SLC26A5: variants seen among roughly 807,000 people sequenced by gnomAD.
SLC26A5 encodes solute carrier family 26 member 5.
SLC26A5 carries 51 observed loss-of-function variants against 81.0 expected under a neutral mutation model. The ratio of observed to expected loss-of-function variants is 0.63; its 90% CI spans 0.50 to 0.80. The LOEUF (loss-of-function observed/expected upper bound fraction) is 0.80. Ranked by LOEUF, SLC26A5 falls within the 30% of genes least tolerant of loss-of-function variation. The pLI is 0.00. For synonymous variants in SLC26A5, 325 were observed against 332.8 expected, an observed-to-expected ratio of 0.98 and a Z score of 0.25; for missense variants, 771 against 905.8, an observed-to-expected ratio of 0.85 and a Z score of 1.91.
chr7:103,367,697 A>G lies in SLC26A5; in HGVS notation c.2041+9111T>C, dbSNP rs1490783071. The G allele has an allele frequency of 5.0e-6, 8 of 1,608,590 alleles. No homozygotes were observed. Among genetic ancestry groups the G allele is most frequent in the Non-Finnish European group, 5.9e-6 (7 of 1,178,152 alleles). ...TTTTTTTCCATTTTAATATTTGTCA[A>G]TTTTCTCATTTTTAGGGTCGGACCC... On this transcript the variant is annotated intron_variant, in intron 19 of 19. Coordinates refer to the SLC26A5 transcript ENST00000339444. The surrounding 1 kb of genome is among the most constrained non-coding windows in gnomAD (Gnocchi z 6.1).
Position 103,410,512 on chromosome 7 carries a change from A to G in SLC26A5, c.608T>C (p.Ile203Thr). 6.2e-7 allele frequency: 1 copy of G among 1,614,148 alleles called. No homozygotes were observed. Among genetic ancestry groups the G allele is most frequent in the African/African-American group, 1.3e-5 (1 of 75,044 alleles). ...LGVCRFGFVAIYLTEPLVRGF... is the reference protein window; with the variant it reads ...LGVCRFGFVATYLTEPLVRGF... ...ACGGACCAGAGGCTCTGTGAGATAT[A>G]TGGCCACAAATCCAAACCTACAGAC... The change falls in exon 7 of 20, where the codon ATA becomes ACA. Residue 203 changes from isoleucine (I) to threonine (T), a missense_variant. Transcript: ENST00000306312.
Position 103,407,912 on chromosome 7 carries a change from T to G in SLC26A5, c.827A>C (p.Lys276Thr). 1 of 1,614,174 alleles carries G rather than the reference T, an allele frequency of 6.2e-7. No homozygotes were observed. The highest frequency in any genetic ancestry group is 8.5e-7 in the Non-Finnish European group (1 of 1,180,022). The change falls in exon 8 of 20, where the codon AAG (lysine) becomes ACG (threonine). Residue 276 changes from lysine (K) to threonine (T), a missense_variant. Transcript: ENST00000306312. ...CTCTTTAAATCTCTCATTAAACTCC[T>G]TGCCACCCAACAGCAAACCAAAAAC... ...LMVFGLLLGGKEFNERFKEKL... is the reference protein window; with the variant it reads ...LMVFGLLLGGTEFNERFKEKL...
chr7:103,445,515 C>T (rs971361677), intron 1 of SLC26A5: 2 of 152,252 alleles, frequency 1.3e-5, no homozygotes, highest in African/African-American at 4.8e-5. Flanking sequence ...GGCTGTTAGG[C>T]TCTGAGCAGT....
At position 103,374,634 on chromosome 7, in the gene SLC26A5, T is replaced by A. The variant is rs779123723; in HGVS notation, c.2042-42A>T. The stretch of plus-strand genomic sequence containing the variant: ...AGAAAATTAGTCCACACTCTGGATA[T>A]CAGTCTTCAACAATTAAAAAAAAGT... On this transcript the variant is annotated intron_variant, in intron 19 of 19. Coordinates refer to ENST00000306312, the MANE Select transcript of SLC26A5 (RefSeq NM_198999.3). 8.2e-6 allele frequency: 13 copies of A among 1,580,762 alleles called. No homozygotes were observed. In the East Asian group the frequency reaches 2.9e-4, roughly 35 times the overall value.
intron 19 of SLC26A5, chr7:103,362,814 G>A: frequency 2.6e-6 from 2 of 761,984 alleles, no homozygotes; most frequent in East Asian, 4.2e-5. Flanking sequence ...TTTTTTTTTT[G>A]AGGCGGAGTT....
intron 18 of SLC26A5, 46 bp downstream of exon 18, chr7:103,377,553 C>T (rs1178531488): frequency 6.5e-7 from 1 of 1,537,818 alleles, no homozygotes; most frequent in Admixed American, 1.7e-5. Flanking sequence ...GATAGTACGA[C>T]ACCAGGCATA....
chr7:103,409,874 AT>A (rs1468627617), intron 7 of SLC26A5, among the ~76,000 whole-genome samples: 1 of 151,680 alleles, frequency 6.6e-6, no homozygotes, highest in Non-Finnish European at 1.5e-5. Flanking sequence ...CACCTGGCTA[AT>A]TTTTTTCTAT....
chr7:103,409,699 T>C (rs1277255984), intron 7 of SLC26A5, among the ~76,000 whole-genome samples: 1 of 152,050 alleles, frequency 6.6e-6, no homozygotes, highest in Non-Finnish European at 1.5e-5. Context: ...TTTGCCAGTT[T>C]GAACTAGCAG....
chr7:103,386,470 G>A (rs1333573215), intron 14 of SLC26A5, among the ~76,000 whole-genome samples: 1 of 151,890 alleles, frequency 6.6e-6, no homozygotes, highest in Non-Finnish European at 1.5e-5. Context: ...AGGAGGCTGA[G>A]GCAGAAGACT....
chr7:103,375,542 G>A (rs1308814285), intron 19 of SLC26A5, among the ~76,000 whole-genome samples: 1 of 152,070 alleles, frequency 6.6e-6, no homozygotes, highest in East Asian at 1.9e-4. Flanking sequence ...CAATCTTACA[G>A]GTGAAAAGTA....
chr7:103,402,095 C>T (rs748396881), intron 8 of SLC26A5, among the ~76,000 whole-genome samples: 3 of 152,108 alleles, frequency 2.0e-5, no homozygotes, highest in Non-Finnish European at 2.9e-5. Flanking sequence ...AGGGAGGATT[C>T]CCTCTTTTTC....
At chr7:103,431,539 C>T (rs1487634587) in intron 2 of SLC26A5, among the ~76,000 whole-genome samples, 1 of 152,078 alleles carries the variant, frequency 6.6e-6, no homozygotes, top group Non-Finnish European at 1.5e-5. Flanking sequence ...GTGCCCAGGC[C>T]GATCTTGAAC....
At chr7:103,422,224 A>G (rs555548717) in intron 2 of SLC26A5, among the ~76,000 whole-genome samples, 1 of 152,352 alleles carries the variant, frequency 6.6e-6, no homozygotes, top group East Asian at 1.9e-4. Flanking sequence ...CAATGATTAA[A>G]GAATAAAAAT....
rs1223164173 is a variant in SLC26A5, at chr7:103,391,725, G to A, written c.1130C>T (p.Ala377Val). The change falls in exon 11 of 20, where the codon GCC becomes GTC. Residue 377 changes from alanine to valine, a missense_variant. Coordinates refer to ENST00000306312, the MANE Select transcript of SLC26A5 (RefSeq NM_198999.3). ...YQVDGNQELI[A>V]LGLCNSIGSL... ...GCCAATGGAATTGCACAGTCCCAGG[G>A]CAATGAGCTCCTTTCCCATGTAGAA... The A allele has an allele frequency of 6.2e-7, 1 of 1,613,652 alleles. No homozygotes were observed. The highest frequency in any genetic ancestry group is 1.1e-5 in the South Asian group (1 of 90,930).
chr7:103,389,681 A>T (rs766739366), intron 12 of SLC26A5, among the ~76,000 whole-genome samples: 5 of 152,032 alleles, frequency 3.3e-5, no homozygotes, highest in African/African-American at 7.2e-5. Flanking sequence ...GGAGTGCAGT[A>T]GCGTAATCTT....
chr7:103,423,099 T>TA (rs564122483), intron 2 of SLC26A5, among the ~76,000 whole-genome samples: 6,235 of 87,732 alleles, frequency 0.071, 309 homozygotes, highest in East Asian at 0.19. Flanking sequence ...CTGCCTCTAC[T>TA]AAAAAAAAAA....
chr7:103,356,230 T>C (rs1820025906), intron 19 of SLC26A5, among the ~76,000 whole-genome samples: 1 of 152,180 alleles, frequency 6.6e-6, no homozygotes, highest in Non-Finnish European at 1.5e-5. Context: ...TTCTTTTTTC[T>C]TGTGTTTTTA....
At chr7:103,419,711 T>C (rs570022885) in intron 4 of SLC26A5, among the ~76,000 whole-genome samples, 17 of 152,224 alleles carry the variant, frequency 1.1e-4, no homozygotes, top group Non-Finnish European at 1.5e-4. Context: ...CTAATTTTTA[T>C]ATTTTTTGTA....
Position 103,374,289 on chromosome 7 carries a change from A to G in SLC26A5, c.*110T>C. ...CATTCACCCTCCAAATCAAGCCTGG[A>G]CTACTAGTATTCACCCTTAGAAAAA... On this transcript the variant is annotated 3_prime_UTR_variant, in exon 20 of 20. Coordinates refer to ENST00000306312, the MANE Select transcript of SLC26A5 (RefSeq NM_198999.3). 1 of 1,530,148 alleles carries G rather than the reference A, an allele frequency of 6.5e-7. No individual in the cohort carries two copies. The highest frequency in any genetic ancestry group is 8.8e-7 in the Non-Finnish European group (1 of 1,139,246). 94.8% of individuals were successfully genotyped at this position (1,530,148 alleles called of 1,614,324 possible). A position where few individuals can be genotyped will look rare whatever the true frequency, so the allele number is the denominator to read the frequency against.
Sources: gnomAD v4.1 joint callset for allele counts (sites outside exome capture counted in the v4.1 genomes callset) on GRCh38, gnomAD v4.1.1 for gene constraint, Gnocchi (gnomAD v3.1) non-coding constraint, MANE v1.5 for transcripts, NCBI Gene and HGNC (gene_info 2026-07-23, HGNC 2026-07-21) for gene names.